The following CNTN5 variants were observed in gnomAD, a reference collection of about 807,000 sequenced individuals.
The protein encoded by CNTN5 is contactin-5.
Under a neutral mutation model 129.1 loss-of-function variants are expected in CNTN5, and 77 were observed. That is an observed-to-expected ratio of 0.60 (90% CI 0.50 to 0.72). CNTN5 has a LOEUF of 0.72. Among genes scored for constraint, CNTN5 ranks in the 30% least tolerant of loss-of-function variants. The probability of loss-of-function intolerance (pLI) is 0.00; values close to 1 mark genes in which losing one functional copy is unlikely to be tolerated. For synonymous variants in CNTN5, 509 were observed against 465.6 expected, an observed-to-expected ratio of 1.09 and a Z score of -1.20; for missense variants, 1,478 against 1,328.8, an observed-to-expected ratio of 1.11 and a Z score of -1.75.
At chr11:99,322,586 A>C (rs1453517394) in intron 1 of CNTN5, among the ~76,000 whole-genome samples, 1 of 152,162 alleles carries the variant, frequency 6.6e-6, no homozygotes. Context: ...TTTAATTACA[A>C]GGTTTTATTT....
chr11:99,275,195 T>C (rs1226957851), intron 1 of CNTN5, among the ~76,000 whole-genome samples: 1 of 151,012 alleles, frequency 6.6e-6, no homozygotes, highest in African/African-American at 2.4e-5. Flanking sequence ...TTCATTGATA[T>C]ATAAAAAAAA....
intron 2 of CNTN5, among the ~76,000 whole-genome samples, chr11:99,501,142 C>A (rs1202954957): frequency 1.3e-4 from 20 of 152,238 alleles, no homozygotes; most frequent in Non-Finnish European, 1.3e-4. Flanking sequence ...TAAATATTTG[C>A]TGAGTGGGTA....
At chr11:99,023,141 A>T (rs546653533) in intron 1 of CNTN5, among the ~76,000 whole-genome samples, 1 of 152,318 alleles carries the variant, frequency 6.6e-6, no homozygotes, top group African/African-American at 2.4e-5. Context: ...TAGTACTTCA[A>T]GTATTAGGTG....
chr11:100,128,380 T>C (rs1946264784), intron 13 of CNTN5, among the ~76,000 whole-genome samples: 1 of 152,158 alleles, frequency 6.6e-6, no homozygotes, highest in Non-Finnish European at 1.5e-5. Flanking sequence ...ATCCTATACA[T>C]TGTTCATGTT....
chr11:99,949,199 T>C (rs1009035312), intron 7 of CNTN5, among the ~76,000 whole-genome samples: 1 of 152,184 alleles, frequency 6.6e-6, no homozygotes, highest in Admixed American at 6.5e-5. Flanking sequence ...TCTATTTCTA[T>C]AAACCCAATG....
chr11:100,237,999 G>A (rs1949656680), intron 16 of CNTN5, among the ~76,000 whole-genome samples: 1 of 152,126 alleles, frequency 6.6e-6, no homozygotes, highest in South Asian at 2.1e-4. Flanking sequence ...ACCTCTACAA[G>A]ATTCAAAATG....
intron 13 of CNTN5, among the ~76,000 whole-genome samples, chr11:100,187,647 T>A (rs1948342548): frequency 6.6e-6 from 1 of 152,090 alleles, no homozygotes; most frequent in Non-Finnish European, 1.5e-5. Context: ...GCTCCACACC[T>A]ACAGTCATCT....
At chr11:99,100,172 A>G (rs1379339957) in intron 1 of CNTN5, among the ~76,000 whole-genome samples, 3 of 152,166 alleles carry the variant, frequency 2.0e-5, no homozygotes, top group African/African-American at 7.2e-5. Flanking sequence ...GAAACCACTT[A>G]TCTTTCTAAA....
intron 8 of CNTN5, among the ~76,000 whole-genome samples, chr11:99,997,748 A>C (rs2137448478): frequency 6.6e-6 from 1 of 152,218 alleles, no homozygotes; most frequent in South Asian, 2.1e-4. Flanking sequence ...TTGATGCAAA[A>C]ATCCTCAATA....
rs570585670 is a variant in CNTN5, at chr11:99,243,841, A to T, written c.-209-81505A>T. 1.7e-4 allele frequency among the ~76,000 whole-genome samples: 25 copies of T among 148,106 alleles called. No individual in the cohort carries two copies. In the South Asian group the frequency reaches 3.4e-3, roughly 20 times the overall value. On this transcript the variant is annotated intron_variant, in intron 1 of 24. Transcript: ENST00000524871. ...TCTGTATGCCTTTTTTTCTTTTGCC[A>T]GTACCAGGCTGCTCTAGGTACTGAA...
intron 1 of CNTN5, among the ~76,000 whole-genome samples, chr11:99,075,886 TATGAC>T (rs1223195594): frequency 6.6e-6 from 1 of 152,216 alleles, no homozygotes; most frequent in Non-Finnish European, 1.5e-5. Context: ...AAGATACAAT[TATGAC>T]AGACGTTTGA....
At chr11:99,781,582 C>T (rs1174016419) in intron 3 of CNTN5, among the ~76,000 whole-genome samples, 1 of 151,970 alleles carries the variant, frequency 6.6e-6, no homozygotes, top group East Asian at 2.0e-4. Context: ...TCTCCTGACC[C>T]TATTTGCAAG....
intron 1 of CNTN5, among the ~76,000 whole-genome samples, chr11:99,302,753 G>A (rs191724210): frequency 6.6e-6 from 1 of 151,822 alleles, no homozygotes; most frequent in Admixed American, 6.6e-5. Flanking sequence ...GGTGGTATGT[G>A]AAATATATCT....
Position 99,382,845 on chromosome 11 carries a change from C to CCTTTTT in CNTN5, c.-71+57361_-71+57362insCTTTTT, listed in dbSNP as rs1417732458. 7.8e-5 allele frequency among the ~76,000 whole-genome samples: 6 copies of CCTTTTT among 77,044 alleles called. No homozygotes were observed. The East Asian group carries it at 2.1e-3, about 27-fold the overall frequency. 50.5% of individuals were successfully genotyped at this position (77,044 alleles called of 152,430 possible). A position where few individuals can be genotyped will look rare whatever the true frequency, so the allele number is the denominator to read the frequency against. On this transcript the variant is annotated intron_variant, in intron 2 of 24. Coordinates refer to ENST00000524871, the MANE Select transcript of CNTN5 (RefSeq NM_014361.4). ...ACATCTCACTAGTGTCTCTAAATAA[C>CCTTTTT]TTTTTTTTTTTTTTTTTTTTTTTTT...
At chr11:99,727,912 T>TA (rs1032625634) in intron 3 of CNTN5, among the ~76,000 whole-genome samples, 14 of 89,518 alleles carry the variant, frequency 1.6e-4, no homozygotes, top group African/African-American at 5.9e-4. Context: ...CTATTTTACA[T>TA]AAAAAAAATT....
chr11:99,841,879 CATATACATAT>C (rs1401427499), intron 4 of CNTN5, among the ~76,000 whole-genome samples: 1 of 77,126 alleles, frequency 1.3e-5, no homozygotes, highest in Non-Finnish European at 3.4e-5. Flanking sequence ...TATACACATA[CATATACATAT>C]ATATATATTT....
chr11:99,322,762 A>T (rs377217792), intron 1 of CNTN5, among the ~76,000 whole-genome samples: 4 of 152,180 alleles, frequency 2.6e-5, no homozygotes, highest in African/African-American at 9.6e-5. Context: ...AGATACAGAT[A>T]CTGATGATGA....
chr11:99,344,202 C>T (rs2136064262), intron 2 of CNTN5, among the ~76,000 whole-genome samples: 1 of 152,174 alleles, frequency 6.6e-6, no homozygotes, highest in South Asian at 2.1e-4. Flanking sequence ...TTTTGTCCAC[C>T]GATAGATCGA....
chr11:99,630,389 A>ATCTC (rs1052579753), intron 3 of CNTN5, among the ~76,000 whole-genome samples: 29 of 152,106 alleles, frequency 1.9e-4, no homozygotes, highest in African/African-American at 7.0e-4. Context: ...CTTTAGTCTA[A>ATCTC]TCTCTCCTAT....
Sources: allele counts gnomAD v4.1 joint callset (sites outside exome capture counted in the v4.1 genomes callset), GRCh38; gene constraint gnomAD v4.1.1; transcripts MANE v1.5; gene names NCBI Gene and HGNC (gene_info 2026-07-23, HGNC 2026-07-21).